PARD3: variants seen among roughly 807,000 people sequenced by gnomAD.
PARD3 encodes the protein par-3 family cell polarity regulator.
In PARD3, 75 loss-of-function variants were observed where a neutral mutation model predicts 155.4. That is an observed-to-expected ratio of 0.48 (90% CI 0.40 to 0.58). The LOEUF (loss-of-function observed/expected upper bound fraction) is 0.58, where lower values mean the gene tolerates loss of function less well. PARD3 is among the 20% of genes least tolerant of loss of function. PARD3 has a pLI of 0.00. For missense variants in PARD3, 1,642 were observed against 1,721.7 expected, an observed-to-expected ratio of 0.95 and a Z score of 0.82; for synonymous variants, 576 against 610.5, an observed-to-expected ratio of 0.94 and a Z score of 0.83.
rs957507418 is a variant in PARD3 at position 34,397,842 on chromosome 10, G to A, written c.890+1488C>T. On this transcript the variant is annotated intron_variant, in intron 7 of 24. Coordinates refer to ENST00000374788, the MANE Select transcript of PARD3 (RefSeq NM_001184785.2). ...AGGCATTTTAAGACATATGCATATC[G>A]GGAAGCTATAATCCATGCATTTTAC... Among the ~76,000 whole-genome samples, 10 of 152,182 alleles carry A rather than the reference G, an allele frequency of 6.6e-5. No individual in the cohort carries two copies. The South Asian group carries it at 1.0e-3, about 16-fold the overall frequency.
chr10:34,784,800 T>C lies in PARD3; in HGVS notation c.120+30076A>G, dbSNP rs146303088. On this transcript the variant is annotated intron_variant, in intron 1 of 24. Transcript: ENST00000374788. ...CCCGTCTCTTCATCCCTTCTCATCT[T>C]GTGGAAGGCTGGGAAAGTTAAATAT... Among the ~76,000 whole-genome samples the C allele has an allele frequency of 3.2e-3, 481 of 152,342 alleles. 3 individuals carry two copies. Among genetic ancestry groups the C allele is most frequent in the African/African-American group, 0.011 (443 of 41,572 alleles).
At chr10:34,790,481 A>C (rs1841497399) in intron 1 of PARD3, among the ~76,000 whole-genome samples, 1 of 152,244 alleles carries the variant, frequency 6.6e-6, no homozygotes, top group African/African-American at 2.4e-5. Context: ...GCAAGCCCAG[A>C]CTGAAATCCT....
chr10:34,692,009 AT>A (rs1367914323), intron 2 of PARD3, among the ~76,000 whole-genome samples: 2 of 152,210 alleles, frequency 1.3e-5, no homozygotes, highest in African/African-American at 4.8e-5. Flanking sequence ...AGGCAGGTGG[AT>A]TGCCTGAGGT....
intron 22 of PARD3, among the ~76,000 whole-genome samples, chr10:34,141,808 T>C (rs1039576348): frequency 3.9e-5 from 6 of 152,050 alleles, no homozygotes; most frequent in African/African-American, 2.4e-5. Flanking sequence ...CAGCAATAAA[T>C]ACACACAAGA....
chr10:34,477,648 C>A (rs1302221415), intron 3 of PARD3, among the ~76,000 whole-genome samples: 1 of 152,132 alleles, frequency 6.6e-6, no homozygotes, highest in African/African-American at 2.4e-5. Flanking sequence ...AATATCCCAC[C>A]CTTTCTTCTC....
chr10:34,702,557 A>G (rs987166483), intron 1 of PARD3, among the ~76,000 whole-genome samples: 3 of 152,106 alleles, frequency 2.0e-5, no homozygotes, highest in African/African-American at 7.2e-5. Context: ...AGGAGGAACA[A>G]TTGTAGAGGT....
At chr10:34,696,290 G>T in intron 2 of PARD3, 28 bp downstream of exon 2, 3 of 1,367,306 alleles carry the variant, frequency 2.2e-6, no homozygotes, top group Admixed American at 1.8e-5. Flanking sequence ...AATGCATTCA[G>T]AACAGGTTCC....
At chr10:34,177,843 C>G (rs1950104645) in intron 22 of PARD3, among the ~76,000 whole-genome samples, 2 of 152,192 alleles carry the variant, frequency 1.3e-5, no homozygotes, top group Non-Finnish European at 2.9e-5. Flanking sequence ...TTTCCTTGGC[C>G]CTTTCCCCTT....
At chr10:34,361,202 A>G (rs924753456) in intron 12 of PARD3, among the ~76,000 whole-genome samples, 20 of 152,196 alleles carry the variant, frequency 1.3e-4, no homozygotes, top group African/African-American at 4.8e-4. Flanking sequence ...TGCTTGTTCA[A>G]GCACAAACTC....
chr10:34,287,840 A>T (rs1317223801), intron 20 of PARD3, among the ~76,000 whole-genome samples: 1 of 152,178 alleles, frequency 6.6e-6, no homozygotes, highest in East Asian at 1.9e-4. Context: ...AGTTTCCTAG[A>T]CCACCCCCTA....
intron 1 of PARD3, among the ~76,000 whole-genome samples, chr10:34,794,044 G>T (rs60915117): frequency 0.033 from 4,970 of 151,978 alleles, 261 homozygotes; most frequent in African/African-American, 0.11. Flanking sequence ...ACATATGGTT[G>T]AATTATACTT....
chr10:34,457,467 G>C (rs2077398754), intron 4 of PARD3, among the ~76,000 whole-genome samples: 1 of 152,176 alleles, frequency 6.6e-6, no homozygotes, highest in Non-Finnish European at 1.5e-5. Flanking sequence ...CAACAGCTAG[G>C]TTAACCTCTT....
At chr10:34,169,589 G>C (rs1021604413) in intron 22 of PARD3, among the ~76,000 whole-genome samples, 4 of 152,158 alleles carry the variant, frequency 2.6e-5, no homozygotes, top group African/African-American at 9.7e-5. Flanking sequence ...TGGGGATTTA[G>C]ATGAGAGAAA....
intron 5 of PARD3, among the ~76,000 whole-genome samples, chr10:34,448,823 T>A (rs2076898045): frequency 6.6e-6 from 1 of 151,686 alleles, no homozygotes; most frequent in South Asian, 2.1e-4. Flanking sequence ...TAAATTAAAT[T>A]AAATTTTAAA....
intron 22 of PARD3, among the ~76,000 whole-genome samples, chr10:34,149,654 G>A (rs1948688150): frequency 1.3e-5 from 2 of 152,104 alleles, no homozygotes; most frequent in South Asian, 4.1e-4. Context: ...TCAAAGAATT[G>A]AGCATAAGAA....
At chr10:34,190,227 A>G (rs991497459) in intron 22 of PARD3, among the ~76,000 whole-genome samples, 56 of 152,330 alleles carry the variant, frequency 3.7e-4, no homozygotes, top group African/African-American at 1.2e-3. Flanking sequence ...ATTAGATTGT[A>G]TTGTCTTCAC....
At chr10:34,590,097 A>G (rs953734046) in intron 2 of PARD3, among the ~76,000 whole-genome samples, 2 of 152,110 alleles carry the variant, frequency 1.3e-5, no homozygotes, top group African/African-American at 4.8e-5. Flanking sequence ...ATATGATGAC[A>G]CCTTCTATGA....
chr10:34,496,141 C>T (rs917264397), intron 3 of PARD3, among the ~76,000 whole-genome samples: 8 of 150,880 alleles, frequency 5.3e-5, no homozygotes, highest in South Asian at 4.2e-4. Flanking sequence ...GTCTTGGCAG[C>T]GAGCCAAGAT....
intron 2 of PARD3, among the ~76,000 whole-genome samples, chr10:34,532,586 A>G (rs1288383681): frequency 6.6e-6 from 1 of 152,198 alleles, no homozygotes; most frequent in Non-Finnish European, 1.5e-5. Flanking sequence ...TTCTCCATAA[A>G]AACATGCACA....
Sources: gnomAD v4.1 joint callset for allele counts (sites outside exome capture counted in the v4.1 genomes callset) on GRCh38, gnomAD v4.1.1 for gene constraint, MANE v1.5 for transcripts, NCBI Gene and HGNC (gene_info 2026-07-23, HGNC 2026-07-21) for gene names.